Variants in GTPBP3 observed in about 807,000 individuals in gnomAD.
The protein encoded by GTPBP3 is 5-taurinomethyluridine-[tRNA] synthase subunit GTPB3, mitochondrial.
A neutral mutation model predicts 42.0 loss-of-function variants in GTPBP3; 35 were observed. That is an observed-to-expected ratio of 0.83 (90% CI 0.64 to 1.10). The LOEUF is 1.10. Among genes scored for constraint, GTPBP3 ranks in the 50% least tolerant of loss-of-function variants. The probability of loss-of-function intolerance (pLI) is 0.00; values close to 1 mark genes in which losing one functional copy is unlikely to be tolerated. For missense variants in GTPBP3, 691 were observed against 685.2 expected, an observed-to-expected ratio of 1.01 and a Z score of -0.09; for synonymous variants, 332 against 314.9, an observed-to-expected ratio of 1.05 and a Z score of -0.58.
intron 3 of GTPBP3, 43 bp downstream of exon 3, chr19:17,338,494 G>A (rs1342445795): frequency 3.7e-6 from 6 of 1,613,030 alleles, no homozygotes; most frequent in Non-Finnish European, 4.2e-6. Flanking sequence ...CTCCCAATGG[G>A]CCTGGGTGGG....
At chr19:17,335,039 T>C (rs996605909), upstream of GTPBP3, 5 of 1,535,842 alleles carry the variant, frequency 3.3e-6, no homozygotes, top group Non-Finnish European at 4.4e-6. Flanking sequence ...ACCCATGCTT[T>C]CTTCTGGTCC....
At chr19:17,335,813 C>CGCTTGTTACAGATGTAACAACTA (rs71180398), upstream of GTPBP3, among the ~76,000 whole-genome samples, 7 of 149,644 alleles carry the variant, frequency 4.7e-5, no homozygotes, top group African/African-American at 4.9e-5. Context: ...GCTTGCTGTA[C>CGCTTGTTACAGATGTAACAACTA]GCTTGTTACA....
intron 7 of GTPBP3, among the ~76,000 whole-genome samples, chr19:17,340,303 C>T (rs1362833346): frequency 6.6e-6 from 1 of 152,144 alleles, no homozygotes; most frequent in African/African-American, 2.4e-5. Flanking sequence ...TCCCAAAGTG[C>T]TGGGATTACA....
In GTPBP3 at chr19:17,338,120, C is replaced by G; in HGVS notation, c.166C>G (p.Pro56Ala). 1 of 1,595,732 alleles carries G rather than the reference C, an allele frequency of 6.3e-7. No homozygotes were observed. The highest frequency in any genetic ancestry group is 8.5e-7 in the Non-Finnish European group (1 of 1,178,218). ...CGIAVIRTSG[P>A]ASGHALRILT... ...CATCGCAGTGATCCGGACCAGCGGC[C>G]CCGCCAGCGGCCACGCCCTCCGAAT... Residue 56 changes from proline (P) to alanine (A), a missense_variant, in exon 2 of 9, where the codon CCC (proline) becomes GCC (alanine). By Grantham distance (27) the Pro-to-Ala change is conservative. Coordinates refer to ENST00000324894, the MANE Select transcript of GTPBP3 (RefSeq NM_032620.4).
chr19:17,339,273 AGGCGGC>A lies in GTPBP3; in HGVS notation c.808+10_808+15del. 3.8e-6 allele frequency: 6 copies of A among 1,592,282 alleles called. No individual in the cohort carries two copies. Among genetic ancestry groups the A allele is most frequent in the Non-Finnish European group, 5.1e-6 (6 of 1,168,838 alleles). On this transcript the variant is annotated splice_region_variant and intron_variant, in intron 6 of 8. Transcript: ENST00000324894. Reference sequence around the variant, plus strand: ...AGCCTAGTGAACCTGCTCAGTGAGTAGGCGGCGGGAAGGGGGCGGGGCCTAGTGCCA... The same window carrying A: ...AGCCTAGTGAACCTGCTCAGTGAGTAGGGAAGGGGGCGGGGCCTAGTGCCA...
At position 17,341,271 on chromosome 19, in the gene GTPBP3, G is replaced by C. The variant is rs762588490; in HGVS notation, c.1202G>C (p.Gly401Ala). Residue 401 changes from glycine (G) to alanine (A), a missense_variant, in exon 8 of 9, where the codon GGA (glycine) becomes GCA (alanine). Gly to Ala is a moderately conservative substitution (Grantham distance 60). Transcript: ENST00000324894. Reference sequence around the variant, plus strand: ...CACCTGCTGCTGTCCTGTCTGACGGGAGAGGGGCTGGACGGCCTCCTGGAG... The same window carrying C: ...CACCTGCTGCTGTCCTGTCTGACGGCAGAGGGGCTGGACGGCCTCCTGGAG... ...PPHLLLSCLT[G>A]EGLDGLLEAL... The C allele has an allele frequency of 1.1e-5, 17 of 1,605,668 alleles. No homozygotes were observed. Among genetic ancestry groups the C allele is most frequent in the Non-Finnish European group, 1.4e-5 (17 of 1,179,922 alleles).
chr19:17,335,231 C>T, upstream of GTPBP3: 6 of 1,460,550 alleles, frequency 4.1e-6, no homozygotes, highest in Non-Finnish European at 5.5e-6. Context: ...TTACAGCAAG[C>T]CCTGCTTAGG....
chr19:17,337,953 T>C (rs1352664982), intron 1 of GTPBP3, 55 bp from the exon 2 acceptor site: 3 of 1,583,530 alleles, frequency 1.9e-6, no homozygotes, highest in Non-Finnish European at 2.6e-6. Flanking sequence ...TCGGTCTACT[T>C]GACACTGAGG....
rs376491468 is a variant in GTPBP3 at position 17,339,594 on chromosome 19, G to A, written c.969G>A (p.Arg323=). The change falls in exon 7 of 9, where the codon CGG becomes CGA. Residue 323 remains arginine (R), a synonymous_variant. Transcript: ENST00000324894. ...PVEQEGVRRA[R]ERLEQADLIL... is the part of the protein sequence containing the mutation. ...AGCAGGAGGGCGTGCGGCGCGCCCG[G>A]GAGAGGTGGGCGGACAGGGTGGTGA... 3.7e-6 allele frequency: 6 copies of A among 1,603,050 alleles called. No homozygotes were observed. Among genetic ancestry groups the A allele is most frequent in the African/African-American group, 1.3e-5 (1 of 74,756 alleles).
At chr19:17,335,106 T>G, upstream of GTPBP3, 2 of 1,535,986 alleles carry the variant, frequency 1.3e-6, no homozygotes, top group Non-Finnish European at 8.7e-7. Flanking sequence ...AGACGCTGTT[T>G]GGAATGTGAG....
rs749555813 is a variant in GTPBP3, at chr19:17,337,995, C to G, written c.54-13C>G. On this transcript the variant is annotated splice_polypyrimidine_tract_variant and intron_variant, in intron 1 of 8. Transcript: ENST00000324894. The stretch of plus-strand genomic sequence containing the variant: ...CTCCCAGGTGCGCTGATTCGCCTCC[C>G]CTCCGGTTCCAGATTGTGCACGCGC... 6.3e-7 allele frequency: 1 copy of G among 1,596,036 alleles called. No individual in the cohort carries two copies. Among genetic ancestry groups the G allele is most frequent in the Non-Finnish European group, 8.5e-7 (1 of 1,178,682 alleles).
Position 17,339,609 on chromosome 19 carries a change from C to G in GTPBP3, c.974+10C>G, listed in dbSNP as rs755576953. 2 of 1,593,904 alleles carry G rather than the reference C, an allele frequency of 1.3e-6. No individual in the cohort carries two copies. Among genetic ancestry groups the G allele is most frequent in the Non-Finnish European group, 1.7e-6 (2 of 1,174,350 alleles). ...GGCGCGCCCGGGAGAGGTGGGCGGA[C>G]AGGGTGGTGATGGGAGGGGAACGCG... On this transcript the variant is annotated intron_variant, in intron 7 of 8. Transcript: ENST00000324894.
Position 17,338,972 on chromosome 19 carries a change from G to A in GTPBP3, c.610G>A (p.Ala204Thr), listed in dbSNP as rs139997629. 27 of 1,609,354 alleles carry A rather than the reference G, an allele frequency of 1.7e-5. No homozygotes were observed. Among genetic ancestry groups the A allele is most frequent in the Non-Finnish European group, 2.2e-5 (26 of 1,177,300 alleles). ...TLTKALAHVE[A>T]YIDFGEDDNL... ...CCGCCAGGCTCTGGCCCACGTGGAG[G>A]CCTATATCGATTTCGGCGAGGATGA... Residue 204 changes from alanine (A) to threonine (T), a missense_variant, in exon 5 of 9, where the codon GCC (alanine) becomes ACC (threonine). Transcript: ENST00000324894.
chr19:17,337,326 T>G, upstream of GTPBP3: 1 of 376,476 alleles, frequency 2.7e-6, no homozygotes, highest in Admixed American at 4.7e-5. Flanking sequence ...TTATTCCTAT[T>G]GTCAGCCTCG....
rs1599558184 is a variant in GTPBP3 at position 17,338,420 on chromosome 19, G to A, written c.357G>A (p.Pro119=). The change falls in exon 3 of 9, where the codon CCG becomes CCA. Residue 119 remains proline, a synonymous_variant. Coordinates refer to ENST00000324894, the MANE Select transcript of GTPBP3 (RefSeq NM_032620.4). ...DCVEFHVHGG[P]AVVSGVLQAL... ...TGGAGTTCCACGTGCATGGAGGCCC[G>A]GCAGTGGTGAGCGGCGTCCTGCAGG... 3.7e-6 allele frequency: 6 copies of A among 1,614,108 alleles called. No homozygotes were observed. Among genetic ancestry groups the A allele is most frequent in the Middle Eastern group, 1.6e-4 (1 of 6,062 alleles).
upstream of GTPBP3, among the ~76,000 whole-genome samples, chr19:17,336,185 T>C (rs1450569750): frequency 2.4e-5 from 3 of 127,030 alleles, no homozygotes. Context: ...GCAGTGAGTC[T>C]AGATCGCGCC....
chr19:17,338,618 C>G lies in GTPBP3; in HGVS notation c.468C>G (p.Thr156=), dbSNP rs372721127. 6.2e-7 allele frequency: 1 copy of G among 1,614,050 alleles called. No individual in the cohort carries two copies. Among genetic ancestry groups the G allele is most frequent in the Non-Finnish European group, 8.5e-7 (1 of 1,179,958 alleles). ...RAFANGKLNL[T]EVEGLADLIH... The stretch of plus-strand genomic sequence containing the variant: ...TCGCCAATGGGAAGCTGAACCTGAC[C>G]GAAGTGGAGGGGCTGGCGGACCTTA... Residue 156 remains threonine, a synonymous_variant, in exon 4 of 9, where the codon ACC becomes ACG. Coordinates refer to ENST00000324894, the MANE Select transcript of GTPBP3 (RefSeq NM_032620.4).
At chr19:17,335,715 C>T (rs1002637183), upstream of GTPBP3, among the ~76,000 whole-genome samples, 1 of 152,138 alleles carries the variant, frequency 6.6e-6, no homozygotes, top group African/African-American at 2.4e-5. Context: ...CCTGACTATT[C>T]TGAGTAGCTC....
upstream of GTPBP3, among the ~76,000 whole-genome samples, chr19:17,335,947 A>G (rs1382358109): frequency 6.6e-6 from 1 of 152,158 alleles, no homozygotes; most frequent in Non-Finnish European, 1.5e-5. Context: ...AAAATATTAA[A>G]GCCTCGGCCG....
Sources: gnomAD v4.1 joint callset for allele counts (sites outside exome capture counted in the v4.1 genomes callset) on GRCh38, gnomAD v4.1.1 for gene constraint, MANE v1.5 for transcripts, NCBI Gene and HGNC (gene_info 2026-07-23, HGNC 2026-07-21) for gene names.